DTNA: variants seen among roughly 807,000 people sequenced by gnomAD.
DTNA encodes the protein dystrophin-related protein 3.
A neutral mutation model predicts 100.7 loss-of-function variants in DTNA; 43 were observed. The observed-to-expected ratio is 0.43, with a 90% CI of 0.33 to 0.55. The LOEUF (loss-of-function observed/expected upper bound fraction) is 0.55, where lower values mean the gene tolerates loss of function less well. DTNA is among the 20% of genes least tolerant of loss of function. The pLI, the probability that DTNA is intolerant of heterozygous loss-of-function variation, is 0.04. For missense variants in DTNA, 798 were observed against 953.9 expected (o/e 0.84, Z 2.15); for synonymous variants, 349 against 347.9 (o/e 1.00, Z -0.04).
chr18:34,588,700 T>TGG (rs1189200531), intron 1 of DTNA, among the ~76,000 whole-genome samples: 1 of 125,658 alleles, frequency 8.0e-6, no homozygotes, highest in Non-Finnish European at 1.7e-5. Context: ...TGTGTGTGTG[T>TGG]GTGTGTGTAG....
intron 1 of DTNA, among the ~76,000 whole-genome samples, chr18:34,530,549 A>G (rs2043040543): frequency 1.3e-5 from 2 of 152,132 alleles, no homozygotes; most frequent in South Asian, 4.1e-4. Flanking sequence ...TCTCCTTTCT[A>G]TCATATTATA....
intron 4 of DTNA, among the ~76,000 whole-genome samples, chr18:34,805,682 A>G (rs1025427519): frequency 6.6e-6 from 1 of 152,018 alleles, no homozygotes; most frequent in Admixed American, 6.6e-5. Flanking sequence ...TAAATATATC[A>G]CATAAGCACA....
rs539130505 is a variant in DTNA, at chr18:34,766,638, A to G, written c.148+597A>G. ...GTATACATATGTAACAAACCTGCAC[A>G]TTGTGCACATGTACCCTAAAACTTA... On this transcript the variant is annotated intron_variant, in intron 3 of 22. Transcript: ENST00000444659. Among the ~76,000 whole-genome samples, 985 of 150,680 alleles carry G rather than the reference A, an allele frequency of 6.5e-3. 5 individuals carry two copies. The highest frequency in any genetic ancestry group is 0.023 in the African/African-American group (940 of 40,046).
At chr18:34,702,982 C>T (rs1309135411) in intron 1 of DTNA, among the ~76,000 whole-genome samples, 1 of 152,120 alleles carries the variant, frequency 6.6e-6, no homozygotes, top group Non-Finnish European at 1.5e-5. Context: ...AATATTTTTG[C>T]TAACTTTTAT....
intron 1 of DTNA, among the ~76,000 whole-genome samples, chr18:34,728,025 A>G (rs1363465588): frequency 6.6e-6 from 1 of 152,118 alleles, no homozygotes; most frequent in Non-Finnish European, 1.5e-5. Context: ...TAATAGATTA[A>G]TTTTCCTATC....
intron 1 of DTNA, among the ~76,000 whole-genome samples, chr18:34,680,845 C>G (rs1011296822): frequency 1.3e-5 from 2 of 152,082 alleles, no homozygotes; most frequent in African/African-American, 4.8e-5. Flanking sequence ...CCACTTGTGC[C>G]CATCTGTGCC....
chr18:34,829,324 A>C, intron 10 of DTNA, 76 bp from the exon 11 acceptor site: 1 of 1,527,812 alleles, frequency 6.5e-7, no homozygotes, highest in Non-Finnish European at 8.8e-7. Flanking sequence ...TGTACACTAA[A>C]TGTCTTTCCT....
chr18:34,764,317 ACT>A (rs2093357233), intron 2 of DTNA, among the ~76,000 whole-genome samples: 1 of 152,184 alleles, frequency 6.6e-6, no homozygotes, highest in Non-Finnish European at 1.5e-5. Context: ...ACTTGGTGAA[ACT>A]CACACAACTG....
chr18:34,500,309 ATAAT>A (rs1481326878), intron 1 of DTNA, among the ~76,000 whole-genome samples: 1 of 151,770 alleles, frequency 6.6e-6, no homozygotes, highest in Admixed American at 6.6e-5. Flanking sequence ...GCAATTTAAA[ATAAT>A]AATGTATTTT....
intron 14 of DTNA, 74 bp from the exon 15 acceptor site, chr18:34,851,757 T>G (rs982775937): frequency 4.1e-6 from 6 of 1,460,250 alleles, no homozygotes; most frequent in Non-Finnish European, 5.7e-6. Context: ...TCTGCATATC[T>G]CATGACTCCT....
intron 1 of DTNA, among the ~76,000 whole-genome samples, chr18:34,547,164 A>C (rs2044877115): frequency 6.6e-6 from 1 of 152,030 alleles, no homozygotes; most frequent in African/African-American, 2.4e-5. Context: ...TTTTTGAAAG[A>C]AATTATTTTC....
chr18:34,839,292 A>G lies in DTNA; in HGVS notation c.1346+455A>G, dbSNP rs1423547024. ...GTGATTGAATCACAAAATGGAAATC[A>G]TTTCTTTAACAATGATAACAGTGGG... On this transcript the variant is annotated intron_variant, in intron 13 of 22. Coordinates refer to ENST00000444659, the MANE Select transcript of DTNA (RefSeq NM_001386795.1). Among the ~76,000 whole-genome samples the G allele has an allele frequency of 2.0e-5, 3 of 152,346 alleles. No homozygotes were observed. The East Asian group carries it at 5.8e-4, about 29-fold the overall frequency.
At chr18:34,693,391 A>C (rs1451476512) in intron 1 of DTNA, among the ~76,000 whole-genome samples, 1 of 152,152 alleles carries the variant, frequency 6.6e-6, no homozygotes, top group East Asian at 1.9e-4. Flanking sequence ...AGTTTGAGGA[A>C]ATTGAAGACT....
chr18:34,571,563 A>G (rs2047591200), intron 1 of DTNA, among the ~76,000 whole-genome samples: 1 of 152,140 alleles, frequency 6.6e-6, no homozygotes, highest in South Asian at 2.1e-4. Flanking sequence ...AGCAACATAG[A>G]GAGACTCCAT....
At chr18:34,506,110 A>G (rs1601228651) in intron 1 of DTNA, among the ~76,000 whole-genome samples, 2 of 152,186 alleles carry the variant, frequency 1.3e-5, no homozygotes, top group South Asian at 2.1e-4. Flanking sequence ...ACTTCCAGCT[A>G]TGAAGGGTAG....
intron 1 of DTNA, among the ~76,000 whole-genome samples, chr18:34,582,401 G>T (rs1470832417): frequency 6.6e-6 from 1 of 152,102 alleles, no homozygotes; most frequent in African/African-American, 2.4e-5. Flanking sequence ...CTCAGAGCTT[G>T]GTTAGAAGAG....
At chr18:34,691,738 A>G (rs977468498) in intron 1 of DTNA, among the ~76,000 whole-genome samples, 3 of 152,072 alleles carry the variant, frequency 2.0e-5, no homozygotes, top group Non-Finnish European at 4.4e-5. Context: ...ACTTTTGCAC[A>G]TGCTGATTCT....
chr18:34,495,132 C>T (rs1190477521), intron 1 of DTNA, among the ~76,000 whole-genome samples: 2 of 152,106 alleles, frequency 1.3e-5, no homozygotes, highest in Admixed American at 6.5e-5. Context: ...TTTCATGCGC[C>T]CCTAATCAAC....
chr18:34,778,047 A>G (rs2094143980), intron 3 of DTNA, among the ~76,000 whole-genome samples: 1 of 152,182 alleles, frequency 6.6e-6, no homozygotes, highest in Non-Finnish European at 1.5e-5. Flanking sequence ...CATGTGACAA[A>G]ACCCATTACA....
Sources: gnomAD v4.1 joint callset for allele counts (sites outside exome capture counted in the v4.1 genomes callset) on GRCh38, gnomAD v4.1.1 for gene constraint, MANE v1.5 for transcripts, NCBI Gene and HGNC (gene_info 2026-07-23, HGNC 2026-07-21) for gene names.